The following SOX6 variants were observed in gnomAD, a reference collection of about 807,000 sequenced individuals.
The protein encoded by SOX6 is SRY-box transcription factor 6.
A neutral mutation model predicts 97.8 loss-of-function variants in SOX6; 11 were observed. The observed-to-expected ratio is 0.11, with a 90% CI of 0.07 to 0.19. SOX6 has a LOEUF of 0.19. Among genes scored for constraint, SOX6 ranks in the 10% least tolerant of loss-of-function variants. The pLI is 1.00. For synonymous variants in SOX6, 360 were observed against 371.4 expected (o/e 0.97, Z 0.35); for missense variants, 810 against 1,039.5 (o/e 0.78, Z 3.04).
chr11:16,593,575 T>C (rs1431004013), intron 4 of SOX6, among the ~76,000 whole-genome samples: 3 of 152,102 alleles, frequency 2.0e-5, no homozygotes, highest in Non-Finnish European at 2.9e-5. Context: ...TTCCCAAGTA[T>C]TTAATTATAC....
chr11:16,025,708 G>A (rs1027119318), intron 12 of SOX6, among the ~76,000 whole-genome samples: 1 of 151,944 alleles, frequency 6.6e-6, no homozygotes, highest in African/African-American at 2.4e-5. Context: ...AGTTTTAGCT[G>A]GAAAACTGAT....
chr11:16,572,532 A>C (rs1351669321), intron 4 of SOX6, among the ~76,000 whole-genome samples: 2 of 152,228 alleles, frequency 1.3e-5, no homozygotes, highest in African/African-American at 4.8e-5. Flanking sequence ...GATTAATGTT[A>C]AAGTCAGCTG....
At chr11:16,678,288 A>T (rs113327768) in intron 3 of SOX6, among the ~76,000 whole-genome samples, 70 of 152,316 alleles carry the variant, frequency 4.6e-4, no homozygotes, top group African/African-American at 1.6e-3. Context: ...TTTCAGTCAT[A>T]TAAACTTCCC....
intron 4 of SOX6, among the ~76,000 whole-genome samples, chr11:16,576,406 C>A (rs922142758): frequency 1.3e-5 from 2 of 152,110 alleles, no homozygotes; most frequent in Non-Finnish European, 2.9e-5. Flanking sequence ...CACTCATAGA[C>A]CAAATAAGCA....
chr11:16,607,673 T>C lies in SOX6; in HGVS notation n.609+4408A>G, dbSNP rs1848350846. 6.6e-6 allele frequency: 1 copy of C among 152,212 alleles called. No individual in the cohort carries two copies. Among genetic ancestry groups the C allele is most frequent in the Non-Finnish European group, 1.5e-5 (1 of 68,080 alleles). 9.4% of individuals were successfully genotyped at this position (152,212 alleles called of 1,614,324 possible). ...TTCACCCTGGAACAAGTGAAGGCGA[T>C]GGTTAGTGCTGTCAATCTTGGCAAT... On this transcript the variant is annotated intron_variant and non_coding_transcript_variant, in intron 4 of 5. Transcript: ENST00000524520. This position sits in a 1 kb window ranked among gnomAD's most constrained non-coding sequence, Gnocchi z 6.5.
At chr11:16,137,710 C>G (rs923450077) in intron 6 of SOX6, among the ~76,000 whole-genome samples, 8 of 152,154 alleles carry the variant, frequency 5.3e-5, no homozygotes, top group African/African-American at 1.9e-4. Flanking sequence ...TGTCCCCACC[C>G]AAATCTCATC....
intron 4 of SOX6, among the ~76,000 whole-genome samples, chr11:16,591,524 A>G (rs908196085): frequency 2.0e-5 from 3 of 152,122 alleles, no homozygotes; most frequent in Non-Finnish European, 4.4e-5. Context: ...TATTTTGAAA[A>G]CATGTTTGAA....
At chr11:16,182,867 A>AT (rs1341775831) in intron 6 of SOX6, among the ~76,000 whole-genome samples, 1 of 152,024 alleles carries the variant, frequency 6.6e-6, no homozygotes, top group African/African-American at 2.4e-5. Context: ...CATCAATGAG[A>AT]TAGAATATTG....
At chr11:16,132,489 A>AAGCAAGCAAGC (rs1564972814) in intron 6 of SOX6, among the ~76,000 whole-genome samples, 1 of 131,732 alleles carries the variant, frequency 7.6e-6, no homozygotes, top group African/African-American at 2.9e-5. Flanking sequence ...AGAAAGAAAG[A>AAGCAAGCAAGC]AAGAAAGAAA....
At chr11:16,347,175 T>C (rs1416598787) in intron 1 of SOX6, among the ~76,000 whole-genome samples, 2 of 152,136 alleles carry the variant, frequency 1.3e-5, no homozygotes, top group Non-Finnish European at 2.9e-5. Context: ...GCCTAATGAC[T>C]GGCCTGCTGA....
chr11:16,098,485 A>G (rs993243660), intron 7 of SOX6, among the ~76,000 whole-genome samples: 2 of 151,852 alleles, frequency 1.3e-5, no homozygotes, highest in Non-Finnish European at 2.9e-5. Context: ...ATTCCTAAAA[A>G]GGGAGACGGA....
At chr11:16,721,520 CT>C in intron 2 of SOX6, among the ~76,000 whole-genome samples, 1 of 65,138 alleles carries the variant, frequency 1.5e-5, no homozygotes, top group Non-Finnish European at 3.1e-5. Flanking sequence ...CTCTCTCTCT[CT>C]CTCTCTCTCT....
At chr11:16,117,230 G>A (rs1456292425) in intron 6 of SOX6, among the ~76,000 whole-genome samples, 3 of 152,112 alleles carry the variant, frequency 2.0e-5, no homozygotes, top group Non-Finnish European at 2.9e-5. Context: ...GGGTGTGCCT[G>A]TAGTCCCAGC....
chr11:16,150,493 A>G (rs1850431814), intron 6 of SOX6, among the ~76,000 whole-genome samples: 2 of 152,050 alleles, frequency 1.3e-5, no homozygotes, highest in Admixed American at 1.3e-4. Flanking sequence ...CCTAAACAAG[A>G]TTTCTTCCCT....
chr11:16,286,676 T>C (rs1293083818), intron 3 of SOX6, among the ~76,000 whole-genome samples: 1 of 152,140 alleles, frequency 6.6e-6, no homozygotes, highest in Non-Finnish European at 1.5e-5. Flanking sequence ...ACCATTCTCT[T>C]CTATTTCAGT....
In SOX6 at chr11:16,447,256, A is replaced by G. The variant is rs142665992; in HGVS notation, c.-5+29059T>C. Among the ~76,000 whole-genome samples the G allele has an allele frequency of 1.4e-4, 21 of 152,298 alleles. 2 individuals are homozygous for G. Among genetic ancestry groups the G allele is most frequent in the African/African-American group, 4.8e-4 (20 of 41,578 alleles). ...ATTAGGAAGTTATTAGGATTTAGGAAAAGAGCACAGTCATTGAATAAACCA... is the reference window on the plus strand; with the variant it reads ...ATTAGGAAGTTATTAGGATTTAGGAGAAGAGCACAGTCATTGAATAAACCA... On this transcript the variant is annotated intron_variant, in intron 1 of 15. Transcript: ENST00000396356.
intron 4 of SOX6, among the ~76,000 whole-genome samples, chr11:16,193,497 A>G (rs552700636): frequency 6.6e-6 from 1 of 152,360 alleles, no homozygotes; most frequent in African/African-American, 2.4e-5. Context: ...ATTTAAACCT[A>G]GACATTCTCC....
chr11:16,426,212 C>A (rs556983343), intron 1 of SOX6, among the ~76,000 whole-genome samples: 5 of 112,208 alleles, frequency 4.5e-5, no homozygotes, highest in African/African-American at 1.7e-4. Context: ...GCTGAGATTG[C>A]GCCACTGCAC....
At chr11:16,161,591 G>A (rs753423661) in intron 6 of SOX6, among the ~76,000 whole-genome samples, 1 of 152,092 alleles carries the variant, frequency 6.6e-6, no homozygotes, top group Non-Finnish European at 1.5e-5. Flanking sequence ...GCAGGACAAA[G>A]GAAAAATGCT....
Sources: allele counts gnomAD v4.1 joint callset (sites outside exome capture counted in the v4.1 genomes callset), GRCh38; gene constraint gnomAD v4.1.1; non-coding constraint Gnocchi (gnomAD v3.1); transcripts MANE v1.5; gene names NCBI Gene and HGNC (gene_info 2026-07-23, HGNC 2026-07-21).